The following MAP4K3 variants were observed in gnomAD, a reference collection of about 807,000 sequenced individuals.
MAP4K3 encodes mitogen-activated protein kinase kinase kinase kinase 3.
MAP4K3 carries 94 observed loss-of-function variants against 143.5 expected under a neutral mutation model. The observed-to-expected ratio is 0.65, with a 90% CI of 0.55 to 0.78. The LOEUF (loss-of-function observed/expected upper bound fraction) is 0.78, where lower values mean the gene tolerates loss of function less well. Among genes scored for constraint, MAP4K3 ranks in the 30% least tolerant of loss-of-function variants. MAP4K3 has a pLI of 0.00. For synonymous variants in MAP4K3, 416 were observed against 347.2 expected (o/e 1.20, Z -2.20); for missense variants, 1,077 against 1,068.1 (o/e 1.01, Z -0.12).
At chr2:39,299,464 C>A (rs1240385259) in intron 16 of MAP4K3, among the ~76,000 whole-genome samples, 1 of 152,070 alleles carries the variant, frequency 6.6e-6, no homozygotes, top group African/African-American at 2.4e-5. Flanking sequence ...AAATAAAGTG[C>A]TAAAACATGT....
rs147281752 is a variant in MAP4K3, at chr2:39,361,473, T to C, written c.155-5134A>G. Among the ~76,000 whole-genome samples the C allele has an allele frequency of 1.7e-3, 253 of 151,792 alleles. 5 individuals are homozygous for C. The East Asian group carries it at 0.024, about 14-fold the overall frequency. ...AAAAAAAATAAGGCGGTATAAACAG[T>C]AGAAATACAAAATTTTCATTATTTA... On this transcript the variant is annotated intron_variant, in intron 2 of 33. Transcript: ENST00000263881.
At chr2:39,312,027 T>C (rs1358876216) in intron 13 of MAP4K3, among the ~76,000 whole-genome samples, 1 of 152,138 alleles carries the variant, frequency 6.6e-6, no homozygotes, top group Admixed American at 6.5e-5. Context: ...ATATTGACCA[T>C]GGTTAATGAC....
chr2:39,282,291 A>G (rs901807642), intron 22 of MAP4K3, among the ~76,000 whole-genome samples: 10 of 152,196 alleles, frequency 6.6e-5, no homozygotes, highest in African/African-American at 2.4e-4. Context: ...TGAGGCCAGG[A>G]ATTCGAGACC....
At chr2:39,262,303 CCTT>C (rs1680603047) in intron 28 of MAP4K3, among the ~76,000 whole-genome samples, 2 of 152,318 alleles carry the variant, frequency 1.3e-5, no homozygotes, top group Non-Finnish European at 1.5e-5. Flanking sequence ...TTCCTACAGT[CCTT>C]CTTTCCCTGT....
chr2:39,304,128 C>T (rs1682608306), intron 15 of MAP4K3, among the ~76,000 whole-genome samples: 1 of 147,172 alleles, frequency 6.8e-6, no homozygotes, highest in Non-Finnish European at 1.5e-5. Context: ...ATTCTTCTGG[C>T]TTCATATATT....
intron 20 of MAP4K3, among the ~76,000 whole-genome samples, chr2:39,287,650 T>A (rs1681855860): frequency 6.6e-6 from 1 of 151,914 alleles, no homozygotes; most frequent in Non-Finnish European, 1.5e-5. Flanking sequence ...CACAGAGGAG[T>A]CTTTACAGTG....
At chr2:39,262,950 C>G (rs1680624898) in intron 28 of MAP4K3, among the ~76,000 whole-genome samples, 1 of 151,884 alleles carries the variant, frequency 6.6e-6, no homozygotes, top group African/African-American at 2.4e-5. Flanking sequence ...ACTAAAAATA[C>G]AAAAATTAGC....
chr2:39,409,327 G>C (rs1174306690), intron 1 of MAP4K3, among the ~76,000 whole-genome samples: 1 of 152,152 alleles, frequency 6.6e-6, no homozygotes, highest in Non-Finnish European at 1.5e-5. Flanking sequence ...GTTAAGCTTT[G>C]GGGAAGTCAA....
rs764654616 is a variant in MAP4K3 at position 39,343,401 on chromosome 2, C to A, written c.297G>T (p.Gln99His). ...CMEFCGGGSL[Q>H]DIYHVTGPLS... ...CTTTGGTCTTACCGTGATAAATATCCTGTAAAGAACCACCTCCACAAAACT... is the reference window on the plus strand; with the variant it reads ...CTTTGGTCTTACCGTGATAAATATCATGTAAAGAACCACCTCCACAAAACT... The change falls in exon 4 of 34, where the codon CAG becomes CAT. Residue 99 changes from glutamine to histidine, a missense_variant. This residue lies in a region of MAP4K3 where 213 missense variants were observed against 266.8 expected (regional missense o/e 0.80). Coordinates refer to ENST00000263881, the MANE Select transcript of MAP4K3 (RefSeq NM_003618.4). 6.2e-7 allele frequency: 1 copy of A among 1,612,710 alleles called. No individual in the cohort carries two copies. Among genetic ancestry groups the A allele is most frequent in the Middle Eastern group, 1.7e-4 (1 of 6,054 alleles).
chr2:39,360,948 T>C (rs1665752727), intron 2 of MAP4K3, among the ~76,000 whole-genome samples: 1 of 152,148 alleles, frequency 6.6e-6, no homozygotes, highest in Admixed American at 6.5e-5. Flanking sequence ...ATCAAAACAA[T>C]AACAGCTTAA....
intron 12 of MAP4K3, among the ~76,000 whole-genome samples, chr2:39,321,497 C>G (rs868450896): frequency 6.6e-6 from 1 of 152,176 alleles, no homozygotes; most frequent in African/African-American, 2.4e-5. Context: ...CAGGTATTGT[C>G]CAAGGTTTCT....
At chr2:39,269,326 C>G (rs1164677592) in intron 26 of MAP4K3, among the ~76,000 whole-genome samples, 5 of 151,692 alleles carry the variant, frequency 3.3e-5, no homozygotes, top group Non-Finnish European at 7.4e-5. Context: ...ATATATTGAC[C>G]TATTTATGAA....
intron 17 of MAP4K3, 56 bp downstream of exon 17, chr2:39,293,174 A>T: frequency 7.9e-7 from 1 of 1,263,238 alleles, no homozygotes. Flanking sequence ...GAAGAAGGCA[A>T]ACTGACTTTA....
chr2:39,291,465 C>T (rs1486084113), intron 18 of MAP4K3, among the ~76,000 whole-genome samples: 11 of 152,178 alleles, frequency 7.2e-5, no homozygotes, highest in Admixed American at 7.2e-4. Flanking sequence ...TTGTAAACTT[C>T]ATTTTTGCTA....
At chr2:39,337,908 T>C (rs746338487) in intron 4 of MAP4K3, among the ~76,000 whole-genome samples, 11 of 151,954 alleles carry the variant, frequency 7.2e-5, no homozygotes, top group Non-Finnish European at 1.3e-4. Context: ...CATAGGTGCA[T>C]GCCACCACAC....
At chr2:39,435,167 C>T (rs1419820638) in intron 1 of MAP4K3, among the ~76,000 whole-genome samples, 1 of 152,184 alleles carries the variant, frequency 6.6e-6, no homozygotes, top group Admixed American at 6.5e-5. Flanking sequence ...ACAGTCATCA[C>T]CATATTCCTT....
chr2:39,286,937 T>C lies in MAP4K3; in HGVS notation c.1502A>G (p.Asn501Ser), dbSNP rs1442297889. ...ACATAATGAGCCATCTCGTTCACCA[T>C]TTAACTGGAAGGAGCTCATTCCATT... ...LGNGMSSFQL[N>S]GERDGSLCQQ... The change falls in exon 21 of 34, where the codon AAT becomes AGT. Residue 501 changes from asparagine to serine, a missense_variant. Coordinates refer to ENST00000263881, the MANE Select transcript of MAP4K3 (RefSeq NM_003618.4). 6 of 1,608,184 alleles carry C rather than the reference T, an allele frequency of 3.7e-6. No individual in the cohort carries two copies. The highest frequency in any genetic ancestry group is 5.1e-6 in the Non-Finnish European group (6 of 1,177,460).
intron 1 of MAP4K3, among the ~76,000 whole-genome samples, chr2:39,397,390 G>C (rs926977314): frequency 6.6e-6 from 1 of 152,052 alleles, no homozygotes; most frequent in African/African-American, 2.4e-5. Context: ...ATTTCCAATA[G>C]CAACTAAATA....
At chr2:39,318,969 A>G (rs1258742527) in intron 12 of MAP4K3, among the ~76,000 whole-genome samples, 2 of 152,156 alleles carry the variant, frequency 1.3e-5, no homozygotes, top group East Asian at 3.9e-4. Flanking sequence ...ACATTTGGCA[A>G]TATCTGGGGA....
Sources: gnomAD v4.1 joint callset for allele counts (sites outside exome capture counted in the v4.1 genomes callset) on GRCh38, gnomAD v4.1.1 for gene constraint, gnomAD v4.1.1 regional missense constraint, MANE v1.5 for transcripts, NCBI Gene and HGNC (gene_info 2026-07-23, HGNC 2026-07-21) for gene names.